SGCZ: variants seen among roughly 807,000 people sequenced by gnomAD.
SGCZ encodes the protein sarcoglycan zeta.
SGCZ carries 40 observed loss-of-function variants against 41.3 expected under a neutral mutation model. The ratio of observed to expected loss-of-function variants is 0.97; its 90% CI spans 0.75 to 1.26. The LOEUF (loss-of-function observed/expected upper bound fraction) is 1.26. Ranked by LOEUF, SGCZ falls within the 50% of genes most tolerant of loss-of-function variation. The probability of loss-of-function intolerance (pLI) is 0.00; values close to 1 mark genes in which losing one functional copy is unlikely to be tolerated. For missense variants in SGCZ, 552 were observed against 369.8 expected (o/e 1.49, Z -4.04); for synonymous variants, 206 against 137.5 (o/e 1.50, Z -3.49).
At chr8:14,453,390 C>G (rs1800653464) in intron 2 of SGCZ, among the ~76,000 whole-genome samples, 1 of 152,058 alleles carries the variant, frequency 6.6e-6, no homozygotes, top group South Asian at 2.1e-4. Flanking sequence ...ATCAATTTCC[C>G]ATAAACGAGA....
chr8:15,220,328 T>C (rs1481053605), intron 1 of SGCZ, among the ~76,000 whole-genome samples: 1 of 152,170 alleles, frequency 6.6e-6, no homozygotes, highest in Non-Finnish European at 1.5e-5. Flanking sequence ...CCATTAAGTG[T>C]AAGAATCAGA....
intron 2 of SGCZ, among the ~76,000 whole-genome samples, chr8:14,514,468 T>C (rs926262072): frequency 1.3e-5 from 2 of 151,978 alleles, no homozygotes; most frequent in South Asian, 2.1e-4. Flanking sequence ...AGAATATGTA[T>C]ACATTAAGGA....
At chr8:15,065,296 G>C (rs1179454013) in intron 1 of SGCZ, among the ~76,000 whole-genome samples, 1 of 151,978 alleles carries the variant, frequency 6.6e-6, no homozygotes, top group East Asian at 1.9e-4. Context: ...TGTCGAGGCA[G>C]AATTAGAAGA....
At chr8:14,851,380 A>AAG (rs1803317625) in intron 1 of SGCZ, among the ~76,000 whole-genome samples, 1 of 141,204 alleles carries the variant, frequency 7.1e-6, no homozygotes, top group African/African-American at 2.6e-5. Context: ...AAAAAAAAAA[A>AAG]AAAAAAAAAA....
intron 2 of SGCZ, among the ~76,000 whole-genome samples, chr8:14,419,887 G>A (rs1487814382): frequency 6.6e-6 from 1 of 151,974 alleles, no homozygotes; most frequent in Non-Finnish European, 1.5e-5. Flanking sequence ...ATTAGCGTTT[G>A]TTTCTAAAGC....
intron 1 of SGCZ, among the ~76,000 whole-genome samples, chr8:14,902,687 A>T (rs1585364019): frequency 6.6e-6 from 1 of 152,184 alleles, no homozygotes; most frequent in East Asian, 1.9e-4. Flanking sequence ...AATTTGATAA[A>T]GAAAGATATA....
Position 14,748,194 on chromosome 8 carries a change from A to T in SGCZ, c.40-193268T>A, listed in dbSNP as rs551043996. 1.8e-4 allele frequency among the ~76,000 whole-genome samples: 27 copies of T among 152,222 alleles called. No individual in the cohort carries two copies. The South Asian group carries it at 4.4e-3, about 25-fold the overall frequency. ...TATCACTGTGCTGAGGTTTTTACAT[A>T]TATTTAGTGCCCACAACAACGTTTT... On this transcript the variant is annotated intron_variant, in intron 1 of 7. Coordinates refer to ENST00000382080, the MANE Select transcript of SGCZ (RefSeq NM_139167.4).
chr8:14,347,850 C>T (rs899109733), intron 2 of SGCZ, among the ~76,000 whole-genome samples: 7 of 151,992 alleles, frequency 4.6e-5, no homozygotes, highest in African/African-American at 4.8e-5. Flanking sequence ...AAGAAGTGAA[C>T]GAAATACATG....
intron 2 of SGCZ, among the ~76,000 whole-genome samples, chr8:14,338,877 G>T (rs575579907): frequency 6.6e-5 from 10 of 152,204 alleles, no homozygotes; most frequent in African/African-American, 1.9e-4. Context: ...GGTAAGAAAA[G>T]GATGTCTGTC....
intron 1 of SGCZ, among the ~76,000 whole-genome samples, chr8:14,599,151 T>G (rs535525050): frequency 6.6e-6 from 1 of 152,156 alleles, no homozygotes; most frequent in Non-Finnish European, 1.5e-5. Context: ...TCAGACATTC[T>G]TCCTTTGACC....
At chr8:14,786,066 A>C (rs185300455) in intron 1 of SGCZ, among the ~76,000 whole-genome samples, 2 of 133,552 alleles carry the variant, frequency 1.5e-5, no homozygotes, top group Admixed American at 7.0e-5. Flanking sequence ...AATTTCTGAA[A>C]TTATCAAGTA....
intron 1 of SGCZ, among the ~76,000 whole-genome samples, chr8:15,157,921 G>A (rs1799381922): frequency 6.6e-6 from 1 of 152,130 alleles, no homozygotes; most frequent in African/African-American, 2.4e-5. Flanking sequence ...CTCCTTCTCA[G>A]GCCCTCGGCC....
At chr8:14,324,614 C>T (rs1563257763) in intron 2 of SGCZ, among the ~76,000 whole-genome samples, 1 of 152,004 alleles carries the variant, frequency 6.6e-6, no homozygotes, top group Non-Finnish European at 1.5e-5. Context: ...CTAAAATATT[C>T]AGAGTCACAT....
intron 1 of SGCZ, among the ~76,000 whole-genome samples, chr8:14,641,580 A>G (rs138557939): frequency 0.01 from 1,550 of 151,770 alleles, 17 homozygotes; most frequent in South Asian, 0.015. Flanking sequence ...GAAAAACAAC[A>G]TATTATATTT....
chr8:15,045,267 C>G (rs1804261097), intron 1 of SGCZ, among the ~76,000 whole-genome samples: 1 of 151,950 alleles, frequency 6.6e-6, no homozygotes, highest in South Asian at 2.1e-4. Flanking sequence ...ATTGGGAGAT[C>G]AGAGACCTTT....
intron 1 of SGCZ, among the ~76,000 whole-genome samples, chr8:14,688,139 T>C (rs1808678520): frequency 6.6e-6 from 1 of 152,168 alleles, no homozygotes; most frequent in South Asian, 2.1e-4. Flanking sequence ...TCCCATTTTG[T>C]AGGTTGCCTG....
chr8:14,392,539 C>A (rs1804813275), intron 2 of SGCZ, among the ~76,000 whole-genome samples: 1 of 152,158 alleles, frequency 6.6e-6, no homozygotes, highest in Non-Finnish European at 1.5e-5. Context: ...GTACTATATT[C>A]ATTTCAGATA....
At chr8:14,686,914 T>C (rs1647161386) in intron 1 of SGCZ, among the ~76,000 whole-genome samples, 1 of 151,962 alleles carries the variant, frequency 6.6e-6, no homozygotes, top group African/African-American at 2.4e-5. Flanking sequence ...ATTTTCAAAC[T>C]GGGTCCCTGA....
intron 1 of SGCZ, among the ~76,000 whole-genome samples, chr8:14,940,111 C>T (rs946778788): frequency 8.6e-5 from 13 of 151,980 alleles, no homozygotes; most frequent in African/African-American, 3.1e-4. Flanking sequence ...CCTTTTGAAC[C>T]CATCTATCCT....
Sources: gnomAD v4.1 joint callset for allele counts (sites outside exome capture counted in the v4.1 genomes callset) on GRCh38, gnomAD v4.1.1 for gene constraint, MANE v1.5 for transcripts, NCBI Gene and HGNC (gene_info 2026-07-23, HGNC 2026-07-21) for gene names.